IL6ST: variants seen among roughly 807,000 people sequenced by gnomAD.
IL6ST encodes interleukin 6 cytokine family signal transducer.
A neutral mutation model predicts 91.3 loss-of-function variants in IL6ST; 24 were observed. That is an observed-to-expected ratio of 0.26 (90% CI 0.19 to 0.37). IL6ST has a LOEUF of 0.37. Ranked by LOEUF, IL6ST falls within the 10% of genes least tolerant of loss-of-function variation. The probability of loss-of-function intolerance (pLI) is 1.00; values close to 1 mark genes in which losing one functional copy is unlikely to be tolerated. For synonymous variants in IL6ST, 351 were observed against 373.6 expected, an observed-to-expected ratio of 0.94 and a Z score of 0.70; for missense variants, 914 against 1,078.5, an observed-to-expected ratio of 0.85 and a Z score of 2.14.
intron 1 of IL6ST, among the ~76,000 whole-genome samples, chr5:55,985,883 C>T (rs758507586): frequency 4.0e-4 from 61 of 152,108 alleles, no homozygotes; most frequent in Non-Finnish European, 6.8e-4. Flanking sequence ...TCTACTGTTA[C>T]GACACAAAAG....
At chr5:55,989,407 C>T (rs755858018) in intron 1 of IL6ST, among the ~76,000 whole-genome samples, 1 of 152,160 alleles carries the variant, frequency 6.6e-6, no homozygotes, top group African/African-American at 2.4e-5. Context: ...AAGACACACA[C>T]TCATGCACGT....
At chr5:55,963,627 A>C in intron 6 of IL6ST, 121 bp from the exon 7 acceptor site, 2 of 738,248 alleles carry the variant, frequency 2.7e-6, no homozygotes, top group Non-Finnish European at 4.3e-6. Flanking sequence ...CAAATGAACT[A>C]ATTTCTCTGA....
intron 1 of IL6ST, among the ~76,000 whole-genome samples, chr5:55,985,061 T>A (rs571478025): frequency 6.6e-6 from 1 of 152,388 alleles, no homozygotes; most frequent in Admixed American, 6.5e-5. Context: ...TAAGAAGATA[T>A]TCTGGCCTTT....
At chr5:55,955,843 C>T (rs2111710512) in intron 10 of IL6ST, 182 bp downstream of exon 10, 1 of 372,692 alleles carries the variant, frequency 2.7e-6, no homozygotes, top group East Asian at 4.2e-5. Flanking sequence ...CTGGCGAGAC[C>T]CAGTCTCTGA....
chr5:55,975,496 G>C (rs990789642), intron 3 of IL6ST, among the ~76,000 whole-genome samples: 5 of 151,920 alleles, frequency 3.3e-5, no homozygotes, highest in African/African-American at 1.2e-4. Flanking sequence ...CCAGTCTCAG[G>C]TATTTCTTTA....
Position 55,938,080 on chromosome 5 carries a change from A to C in IL6ST, c.*3002T>G, listed in dbSNP as rs11957046. The C allele has an allele frequency of 2.1e-5, 4 of 189,934 alleles. No homozygotes were observed. Among genetic ancestry groups the C allele is most frequent in the Non-Finnish European group, 3.3e-5 (3 of 90,400 alleles). The allele number at this position is 189,934 out of a possible 1,614,324, so 11.8% of individuals were successfully genotyped here. A position where few individuals can be genotyped will look rare whatever the true frequency, so the allele number is the denominator to read the frequency against. ...TTCTCAAACTAGATGCTCTACTTTA[A>C]ATATGAGCTTTAATGAATGTTTTGT... is the stretch of plus-strand genomic sequence containing the variant. On this transcript the variant is annotated 3_prime_UTR_variant, in exon 17 of 17. Transcript: ENST00000381298.
In IL6ST at chr5:55,952,251, A is replaced by G. The variant is rs763143271; in HGVS notation, c.1551T>C (p.Ala517=). ...TCAAAGAAGTGAGTTTGGACTTACG[A>G]GCTTGTTTAAGGTATGCCTTTATGG... ...PESIKAYLKQ[A]PPSKGPTVRT... The change falls in exon 12 of 17, where the codon GCT becomes GCC. Residue 517 remains alanine (A), a splice_region_variant and synonymous_variant. Coordinates refer to ENST00000381298, the MANE Select transcript of IL6ST (RefSeq NM_002184.4). 6 of 1,602,404 alleles carry G rather than the reference A, an allele frequency of 3.7e-6. No homozygotes were observed. The highest frequency in any genetic ancestry group is 3.4e-6 in the Non-Finnish European group (4 of 1,171,436).
Position 55,941,798 on chromosome 5 carries a change from G to T in IL6ST, c.2041C>A (p.Gln681Lys). 1.2e-6 allele frequency: 2 copies of T among 1,610,336 alleles called. No individual in the cohort carries two copies. The highest frequency in any genetic ancestry group is 1.7e-6 in the Non-Finnish European group (2 of 1,178,606). The change falls in exon 17 of 17, where the codon CAA (glutamine) becomes AAA (lysine). Residue 681 changes from glutamine to lysine, a missense_variant. By Grantham distance (53) the Gln-to-Lys change is moderately conservative. Coordinates refer to ENST00000381298, the MANE Select transcript of IL6ST (RefSeq NM_002184.4). ...PPRHNFNSKD[Q>K]MYSDGNFTDV... ...GTGAAATTGCCATCTGAATACATTT[G>T]ATCTTTTGAATTAAAATTGTGCTAA...
intron 7 of IL6ST, among the ~76,000 whole-genome samples, chr5:55,961,269 C>T (rs1265338161): frequency 6.6e-6 from 1 of 152,132 alleles, no homozygotes; most frequent in Non-Finnish European, 1.5e-5. Context: ...TGGCACACTC[C>T]ATTTAGAATA....
chr5:55,952,941 G>C (rs969099785), intron 11 of IL6ST, among the ~76,000 whole-genome samples: 5 of 151,996 alleles, frequency 3.3e-5, no homozygotes, highest in African/African-American at 1.2e-4. Context: ...GGCACCTGTA[G>C]TCCCAGATGC....
chr5:55,964,185 C>A lies in IL6ST; in HGVS notation c.619G>T (p.Val207Phe), dbSNP rs760602924. 2.5e-6 allele frequency: 4 copies of A among 1,609,766 alleles called. No individual in the cohort carries two copies. Among genetic ancestry groups the A allele is most frequent in the Non-Finnish European group, 3.4e-6 (4 of 1,177,968 alleles). Residue 207 changes from valine to phenylalanine, a missense_variant, in exon 6 of 17, where the codon GTT becomes TTT. Physicochemically the swap from Val to Phe is conservative, Grantham distance 50. Transcript: ENST00000381298. ...TCAAAATTGATATGATCTGATGTAA[C>A]CTTCCCAAGGGCATTCTCTGCTTCT... ...WVEAENALGK[V>F]TSDHINFDPV...
rs1402017220 is a variant in IL6ST at position 55,937,260 on chromosome 5, T to A, written c.*3822A>T. 4.7e-6 allele frequency: 1 copy of A among 214,176 alleles called. No individual in the cohort carries two copies. The highest frequency in any genetic ancestry group is 9.4e-6 in the Non-Finnish European group (1 of 106,046). The allele number at this position is 214,176 out of a possible 1,614,324, so 13.3% of individuals were successfully genotyped here. On this transcript the variant is annotated 3_prime_UTR_variant, in exon 17 of 17. Coordinates refer to ENST00000381298, the MANE Select transcript of IL6ST (RefSeq NM_002184.4). The stretch of plus-strand genomic sequence containing the variant: ...TGGGTAATGAAGTTAAACTAACCAG[T>A]TTGTACAAACTATTGACTGAGAAAA...
rs1269300449 is a variant in IL6ST, at chr5:55,940,044, A to C, written c.*1038T>G. On this transcript the variant is annotated 3_prime_UTR_variant, in exon 17 of 17. Coordinates refer to ENST00000381298, the MANE Select transcript of IL6ST (RefSeq NM_002184.4). ...TATTTAAAAATAAAAAAAATACTCAAAACAAATTTAAGCTGAAGATATATA... is the reference window on the plus strand; with the variant it reads ...TATTTAAAAATAAAAAAAATACTCACAACAAATTTAAGCTGAAGATATATA... 5.0e-6 allele frequency: 1 copy of C among 198,422 alleles called. No homozygotes were observed. The highest frequency in any genetic ancestry group is 7.8e-5 in the East Asian group (1 of 12,800). 12.3% of individuals were successfully genotyped at this position (198,422 alleles called of 1,614,324 possible). A position where few individuals can be genotyped will look rare whatever the true frequency, so the allele number is the denominator to read the frequency against.
chr5:55,988,808 T>TA (rs1361925737), intron 1 of IL6ST, among the ~76,000 whole-genome samples: 1 of 137,982 alleles, frequency 7.2e-6, no homozygotes, highest in African/African-American at 2.7e-5. Flanking sequence ...CAGTAATAAC[T>TA]AATTAGAAAA....
intron 4 of IL6ST, 30 bp from the exon 5 acceptor site, chr5:55,968,426 A>T: frequency 6.2e-7 from 1 of 1,602,178 alleles, no homozygotes; most frequent in Non-Finnish European, 8.5e-7. Flanking sequence ...ATCTTTCAGA[A>T]AGCTTTATAT....
At chr5:55,978,494 G>A (rs1753450693) in intron 2 of IL6ST, 1 of 152,370 alleles carries the variant, frequency 6.6e-6, no homozygotes, top group South Asian at 2.1e-4. Flanking sequence ...TTGGGAGGCT[G>A]AGGCGAGTGA....
intron 1 of IL6ST, among the ~76,000 whole-genome samples, chr5:55,990,736 T>G (rs1190233613): frequency 6.6e-6 from 1 of 151,456 alleles, no homozygotes; most frequent in Non-Finnish European, 1.5e-5. Flanking sequence ...TACACATAAA[T>G]GCCCACCCAC....
chr5:55,991,345 T>A (rs1754318389), intron 1 of IL6ST, among the ~76,000 whole-genome samples: 3 of 152,250 alleles, frequency 2.0e-5, no homozygotes, highest in Admixed American at 2.0e-4. Context: ...CCTCTTCAAC[T>A]GCCTAAGTCA....
chr5:55,984,789 G>GA (rs886353862), intron 1 of IL6ST, among the ~76,000 whole-genome samples: 1,695 of 146,264 alleles, frequency 0.012, 30 homozygotes, highest in African/African-American at 0.037. Context: ...AACACAAACT[G>GA]AAAAAAAAAA....
Sources: allele counts gnomAD v4.1 joint callset (sites outside exome capture counted in the v4.1 genomes callset), GRCh38; gene constraint gnomAD v4.1.1; transcripts MANE v1.5; gene names NCBI Gene and HGNC (gene_info 2026-07-23, HGNC 2026-07-21).